Variants in ADAMTSL2 observed in about 807,000 individuals in gnomAD.
ADAMTSL2 encodes the protein ADAMTS like 2.
ADAMTSL2 carries 55 observed loss-of-function variants against 117.0 expected under a neutral mutation model. The observed-to-expected ratio is 0.47, with a 90% CI of 0.38 to 0.59. ADAMTSL2 has a LOEUF of 0.59. Among genes scored for constraint, ADAMTSL2 ranks in the 20% least tolerant of loss-of-function variants. ADAMTSL2 has a pLI of 0.00. For missense variants in ADAMTSL2, 1,182 were observed against 1,354.5 expected, an observed-to-expected ratio of 0.87 and a Z score of 2.00; for synonymous variants, 572 against 566.4, an observed-to-expected ratio of 1.01 and a Z score of -0.14.
chr9:133,563,178 T>G (rs1830787713), intron 12 of ADAMTSL2, among the ~76,000 whole-genome samples: 1 of 152,358 alleles, frequency 6.6e-6, no homozygotes, highest in South Asian at 2.1e-4. Context: ...TAGCCTCTCA[T>G]GGTCAGAGGT....
At chr9:133,563,824 AGAGAGAGAGAGAGAGAGAGG>A (rs1162115771) in intron 12 of ADAMTSL2, among the ~76,000 whole-genome samples, 7 of 84,040 alleles carry the variant, frequency 8.3e-5, no homozygotes, top group East Asian at 2.5e-4. Flanking sequence ...AGGGGGAGAG[AGAGAGAGAGAGAGAGAGAGG>A]GAGAGAGAGA....
At chr9:133,553,702 C>A (rs975226239) in intron 9 of ADAMTSL2, among the ~76,000 whole-genome samples, 9 of 152,194 alleles carry the variant, frequency 5.9e-5, no homozygotes, top group Admixed American at 5.2e-4. Context: ...AATCCTAGGC[C>A]TGCCTGCTCC....
intron 6 of ADAMTSL2, 33 bp from the exon 7 acceptor site, chr9:133,540,845 T>A (rs576108366): frequency 6.2e-7 from 1 of 1,613,082 alleles, no homozygotes; most frequent in South Asian, 1.1e-5. Context: ...CACAGCGCCC[T>A]CCCAGCAGCC....
chr9:133,536,466 C>T lies in ADAMTSL2; in HGVS notation c.-150-97C>T, dbSNP rs141076725. 1,064 of 1,460,702 alleles carry T rather than the reference C, an allele frequency of 7.3e-4. 5 individuals are homozygous for T. The African/African-American group carries it at 0.014, about 19-fold the overall frequency. The allele number at this position is 1,460,702 out of a possible 1,614,324, so 90.5% of individuals were successfully genotyped here. A position where few individuals can be genotyped will look rare whatever the true frequency, so the allele number is the denominator to read the frequency against. On this transcript the variant is annotated intron_variant, in intron 1 of 18. Coordinates refer to ENST00000651351, the MANE Select transcript of ADAMTSL2 (RefSeq NM_014694.4). The stretch of plus-strand genomic sequence containing the variant: ...GGCACAGGCTTAGCACGCACACCGC[C>T]GCTGGGTGTCTTGCCTGAAGCAGGC...
At chr9:133,572,304 G>A (rs1320424318) in intron 17 of ADAMTSL2, among the ~76,000 whole-genome samples, 4 of 152,184 alleles carry the variant, frequency 2.6e-5, no homozygotes, top group Admixed American at 2.6e-4. Context: ...GGAGGGGAAA[G>A]GCTGAGGGTG....
At chr9:133,550,586 C>T (rs951406817) in intron 9 of ADAMTSL2, among the ~76,000 whole-genome samples, 2 of 152,142 alleles carry the variant, frequency 1.3e-5, no homozygotes, top group Non-Finnish European at 2.9e-5. Flanking sequence ...TCAGCACTTC[C>T]CCTTCCAGGA....
upstream of ADAMTSL2, among the ~76,000 whole-genome samples, chr9:133,533,304 C>A (rs774951683): frequency 8.5e-5 from 13 of 152,094 alleles, no homozygotes; most frequent in Non-Finnish European, 1.8e-4. Flanking sequence ...CCGCAGGTGG[C>A]CCTGTGACTA....
At chr9:133,532,996 T>G (rs1829972023), upstream of ADAMTSL2, among the ~76,000 whole-genome samples, 1 of 152,106 alleles carries the variant, frequency 6.6e-6, no homozygotes, top group Non-Finnish European at 1.5e-5. Flanking sequence ...AAACCGTTAG[T>G]CACCCTGGCG....
chr9:133,535,061 C>T (rs991393387), intron 1 of ADAMTSL2, 144 bp downstream of exon 1: 3 of 1,278,348 alleles, frequency 2.3e-6, no homozygotes, highest in East Asian at 3.1e-5. Context: ...GGGGTCGGGC[C>T]GCAGAGCACG....
chr9:133,539,542 A>G (rs998336526), intron 4 of ADAMTSL2, among the ~76,000 whole-genome samples: 4 of 131,036 alleles, frequency 3.1e-5, no homozygotes, highest in Non-Finnish European at 5.0e-5. Context: ...GAGTAGGCGG[A>G]GGGCTGGCGT....
At position 133,569,597 on chromosome 9, in the gene ADAMTSL2, G is replaced by A. The variant is rs1448133830; in HGVS notation, c.2415+19G>A. 36 of 1,555,082 alleles carry A rather than the reference G, an allele frequency of 2.3e-5. No homozygotes were observed. The East Asian group carries it at 3.4e-4, about 15-fold the overall frequency. Reference sequence around the variant, plus strand: ...GGAGCGGGTGAGTGCCCCAGAGCCCGCGGAAGGGCCTCCTGGTATCTGGAG... The same window carrying A: ...GGAGCGGGTGAGTGCCCCAGAGCCCACGGAAGGGCCTCCTGGTATCTGGAG... On this transcript the variant is annotated intron_variant, in intron 16 of 18. Coordinates refer to ENST00000651351, the MANE Select transcript of ADAMTSL2 (RefSeq NM_014694.4).
In ADAMTSL2 at chr9:133,554,649, G is replaced by T. The variant is rs1354448523; in HGVS notation, c.1232G>T (p.Gly411Val). The T allele has an allele frequency of 7.2e-6, 11 of 1,527,820 alleles. No individual in the cohort carries two copies. Among genetic ancestry groups the T allele is most frequent in the Non-Finnish European group, 9.7e-6 (11 of 1,132,522 alleles). 94.6% of individuals were successfully genotyped at this position (1,527,820 alleles called of 1,614,324 possible). The change falls in exon 10 of 19, where the codon GGC (glycine) becomes GTC (valine). Residue 411 changes from glycine (G) to valine (V), a missense_variant. Gly to Val is a moderately radical substitution (Grantham distance 109). Transcript: ENST00000651351. This position sits in a 1 kb window ranked among gnomAD's most constrained non-coding sequence, Gnocchi z 5.2. The part of the protein sequence containing the change: ...QETNEVCEQA[G>V]GGACEGPPRG... ...ACCAACGAGGTGTGCGAGCAGGCCG[G>T]CGGCGGGGCCTGCGAGGGGCCCCCC...
At chr9:133,572,806 G>A (rs930243016) in intron 17 of ADAMTSL2, among the ~76,000 whole-genome samples, 1 of 152,180 alleles carries the variant, frequency 6.6e-6, no homozygotes, top group Non-Finnish European at 1.5e-5. Flanking sequence ...GTGCATAGCG[G>A]CGGCTCAGTC....
At chr9:133,571,248 C>G (rs1831099785) in intron 17 of ADAMTSL2, among the ~76,000 whole-genome samples, 1 of 152,164 alleles carries the variant, frequency 6.6e-6, no homozygotes, top group South Asian at 2.1e-4. Flanking sequence ...TCAGGGAGCT[C>G]TCTGGCCCAC....
In ADAMTSL2 at chr9:133,554,641, G is replaced by A; in HGVS notation, c.1224G>A (p.Glu408=). 1.3e-6 allele frequency: 2 copies of A among 1,537,828 alleles called. No individual in the cohort carries two copies. The highest frequency in any genetic ancestry group is 1.4e-5 in the African/African-American group (1 of 73,352). Residue 408 remains glutamate, a synonymous_variant, in exon 10 of 19, where the codon GAG becomes GAA. Transcript: ENST00000651351. The surrounding 1 kb of genome is among the most constrained non-coding windows in gnomAD (Gnocchi z 5.2). ...GCCAGGAGACCAACGAGGTGTGCGAGCAGGCCGGCGGCGGGGCCTGCGAGG... is the reference window on the plus strand; with the variant it reads ...GCCAGGAGACCAACGAGGTGTGCGAACAGGCCGGCGGCGGGGCCTGCGAGG... The part of the protein sequence containing the change: ...SQGQETNEVC[E]QAGGGACEGP...
intron 10 of ADAMTSL2, 34 bp from the exon 11 acceptor site, chr9:133,555,524 G>A (rs1352506156): frequency 4.3e-6 from 7 of 1,612,786 alleles, no homozygotes; most frequent in Non-Finnish European, 5.9e-6. Flanking sequence ...GGGCTCGGAT[G>A]TGCCCACGGT....
chr9:133,538,480 T>C (rs1328324254), intron 4 of ADAMTSL2, 56 bp downstream of exon 4: 2 of 1,593,204 alleles, frequency 1.3e-6, no homozygotes, highest in South Asian at 2.2e-5. Flanking sequence ...CATCATGCAG[T>C]TTTCAGGGGG....
chr9:133,567,098 C>T, intron 13 of ADAMTSL2, 36 bp downstream of exon 13: 2 of 1,585,022 alleles, frequency 1.3e-6, no homozygotes, highest in Non-Finnish European at 1.7e-6. Context: ...AGGGGGTCGG[C>T]AGGGGGCGTG....
intron 8 of ADAMTSL2, among the ~76,000 whole-genome samples, chr9:133,545,523 C>T (rs989386715): frequency 1.3e-5 from 2 of 152,234 alleles, no homozygotes; most frequent in Non-Finnish European, 2.9e-5. Context: ...GTCTGAGTGC[C>T]CCTGCCCCAG....
Sources: allele counts gnomAD v4.1 joint callset (sites outside exome capture counted in the v4.1 genomes callset), GRCh38; gene constraint gnomAD v4.1.1; non-coding constraint Gnocchi (gnomAD v3.1); transcripts MANE v1.5; gene names NCBI Gene and HGNC (gene_info 2026-07-23, HGNC 2026-07-21).